Variants in PDGFD observed in about 807,000 individuals in gnomAD.
PDGFD encodes the protein platelet derived growth factor D, also known as platelet-derived growth factor D.
Under a neutral mutation model 44.7 loss-of-function variants are expected in PDGFD, and 30 were observed. The observed-to-expected ratio is 0.67, with a 90% confidence interval of 0.50 to 0.91. PDGFD has a LOEUF of 0.91. Among genes scored for constraint, PDGFD ranks in the 40% least tolerant of loss-of-function variants. The pLI is 0.00. For missense variants in PDGFD, 445 were observed against 457.8 expected, an observed-to-expected ratio of 0.97 and a Z score of 0.25; for synonymous variants, 173 against 168.4, an observed-to-expected ratio of 1.03 and a Z score of -0.21.
At chr11:103,975,101 C>T (rs190455037) in intron 3 of PDGFD, among the ~76,000 whole-genome samples, 7 of 152,308 alleles carry the variant, frequency 4.6e-5, no homozygotes, top group Admixed American at 4.6e-4. Context: ...AACTAATTTA[C>T]ACTCCCACCA....
At chr11:104,120,859 C>T (rs1231474606) in intron 1 of PDGFD, among the ~76,000 whole-genome samples, 1 of 151,862 alleles carries the variant, frequency 6.6e-6, no homozygotes, top group Non-Finnish European at 1.5e-5. Flanking sequence ...TTGTACATGC[C>T]CTACTCCCAA....
At chr11:103,970,731 A>G (rs1859090967) in intron 3 of PDGFD, among the ~76,000 whole-genome samples, 1 of 152,164 alleles carries the variant, frequency 6.6e-6, no homozygotes, top group African/African-American at 2.4e-5. Flanking sequence ...CAAATTTCCA[A>G]GAATTCAAAA....
At chr11:104,140,836 T>C (rs1862074127) in intron 1 of PDGFD, among the ~76,000 whole-genome samples, 1 of 152,252 alleles carries the variant, frequency 6.6e-6, no homozygotes, top group Admixed American at 6.5e-5. Context: ...ATAAAGCCAG[T>C]CAATTGTTTA....
At chr11:104,080,428 A>G in intron 1 of PDGFD, among the ~76,000 whole-genome samples, 1 of 152,334 alleles carries the variant, frequency 6.6e-6, no homozygotes, top group East Asian at 1.9e-4. Flanking sequence ...TAGAAAACAA[A>G]TAGATTATGG....
At chr11:104,149,443 G>A (rs1862210722) in intron 1 of PDGFD, among the ~76,000 whole-genome samples, 1 of 152,164 alleles carries the variant, frequency 6.6e-6, no homozygotes, top group Non-Finnish European at 1.5e-5. Flanking sequence ...AAAAACAAGT[G>A]AGATAATTAT....
intron 1 of PDGFD, among the ~76,000 whole-genome samples, chr11:104,140,601 TTTC>T (rs1395091114): frequency 6.6e-6 from 1 of 152,096 alleles, no homozygotes; most frequent in Non-Finnish European, 1.5e-5. Flanking sequence ...TCCCCTTCTC[TTTC>T]TCCCTCTGGG....
At chr11:103,911,722 A>T (rs2134298368) in intron 6 of PDGFD, among the ~76,000 whole-genome samples, 1 of 152,214 alleles carries the variant, frequency 6.6e-6, no homozygotes, top group South Asian at 2.1e-4. Flanking sequence ...AAGGAAGCTA[A>T]GAACCTTGAA....
At chr11:103,976,898 C>T (rs900229015) in intron 3 of PDGFD, among the ~76,000 whole-genome samples, 5 of 151,762 alleles carry the variant, frequency 3.3e-5, no homozygotes, top group Admixed American at 1.3e-4. Context: ...GGGATGAAGC[C>T]AGGAGCTGTA....
Position 103,996,227 on chromosome 11 carries a change from A to C in PDGFD, c.348T>G (p.Val116=). 6.2e-7 allele frequency: 1 copy of C among 1,610,864 alleles called. No individual in the cohort carries two copies. The highest frequency in any genetic ancestry group is 8.5e-7 in the Non-Finnish European group (1 of 1,178,498). The change falls in exon 3 of 7, where the codon GTT becomes GTG. Residue 116 remains valine, a synonymous_variant. Coordinates refer to ENST00000393158, the MANE Select transcript of PDGFD (RefSeq NM_025208.5). ...TGGTACTGGTTTCGGATATATCTTC[A>C]ACTTCCACAAAATCATACCTAGAAT... ...NDICRYDFVE[V]EDISETSTII... is the part of the protein sequence containing the mutation.
chr11:104,127,335 G>A (rs954223141), intron 1 of PDGFD, among the ~76,000 whole-genome samples: 2 of 152,192 alleles, frequency 1.3e-5, no homozygotes, highest in Middle Eastern at 3.4e-3. Context: ...ATTAGTAGGA[G>A]GTGTGATCAG....
intron 1 of PDGFD, among the ~76,000 whole-genome samples, chr11:104,030,453 G>T (rs935504510): frequency 1.3e-5 from 2 of 152,128 alleles, no homozygotes; most frequent in Non-Finnish European, 2.9e-5. Flanking sequence ...TGAGAAGAAG[G>T]CCACTCAGAT....
intron 3 of PDGFD, among the ~76,000 whole-genome samples, chr11:103,962,503 A>C (rs1411963713): frequency 1.3e-5 from 2 of 152,184 alleles, no homozygotes; most frequent in African/African-American, 4.8e-5. Context: ...TCTGAGTACA[A>C]ACAAAATAAA....
At chr11:104,013,098 G>A (rs1357823625) in intron 1 of PDGFD, among the ~76,000 whole-genome samples, 4 of 152,202 alleles carry the variant, frequency 2.6e-5, no homozygotes, top group Non-Finnish European at 5.9e-5. Context: ...GGCAGAGAAG[G>A]AGAAAAAACA....
intron 1 of PDGFD, among the ~76,000 whole-genome samples, chr11:104,028,594 A>G (rs972263628): frequency 6.6e-6 from 1 of 151,094 alleles, no homozygotes; most frequent in Non-Finnish European, 1.5e-5. Flanking sequence ...GAATGCCAGT[A>G]TATTTCATTT....
chr11:104,023,427 A>G (rs1394390600), intron 1 of PDGFD, among the ~76,000 whole-genome samples: 1 of 152,074 alleles, frequency 6.6e-6, no homozygotes, highest in East Asian at 1.9e-4. Context: ...GGTTTATATA[A>G]TCATTCCAGA....
intron 1 of PDGFD, among the ~76,000 whole-genome samples, chr11:104,053,615 C>A (rs1044783897): frequency 6.6e-6 from 1 of 152,036 alleles, no homozygotes; most frequent in African/African-American, 2.4e-5. Context: ...ATATATAAAA[C>A]CAAATTGCAT....
rs552682945 is a variant in PDGFD, at chr11:103,980,081, A to G, written c.510+15984T>C. On this transcript the variant is annotated intron_variant, in intron 3 of 6. Coordinates refer to ENST00000393158, the MANE Select transcript of PDGFD (RefSeq NM_025208.5). ...TATCTAGGTTATCTCCTATGGCTAA[A>G]TGAAATAATTTTGTATTAGTTATTC... Among the ~76,000 whole-genome samples the G allele has an allele frequency of 2.0e-5, 3 of 152,228 alleles. No individual in the cohort carries two copies. The East Asian group carries it at 5.8e-4, about 29-fold the overall frequency.
At chr11:103,942,351 T>A (rs1231351739) in intron 5 of PDGFD, among the ~76,000 whole-genome samples, 1 of 152,168 alleles carries the variant, frequency 6.6e-6, no homozygotes, top group Non-Finnish European at 1.5e-5. Context: ...AAGAGGCAAC[T>A]ATATTTCATA....
intron 1 of PDGFD, among the ~76,000 whole-genome samples, chr11:104,091,017 T>C (rs1168960527): frequency 6.6e-6 from 1 of 152,152 alleles, no homozygotes; most frequent in Non-Finnish European, 1.5e-5. Flanking sequence ...AGTCTAACAC[T>C]GAAATCCTAA....
Sources: gnomAD v4.1 joint callset for allele counts (sites outside exome capture counted in the v4.1 genomes callset) on GRCh38, gnomAD v4.1.1 for gene constraint, MANE v1.5 for transcripts, NCBI Gene and HGNC (gene_info 2026-07-23, HGNC 2026-07-21) for gene names.